The following CHRM3 variants were observed in gnomAD, a reference collection of about 807,000 sequenced individuals.
The protein encoded by CHRM3 is cholinergic receptor muscarinic 3.
CHRM3 carries 11 observed loss-of-function variants against 41.8 expected under a neutral mutation model. That is an observed-to-expected ratio of 0.26 (90% confidence interval 0.17 to 0.44). The LOEUF is 0.44. CHRM3 is among the 20% of genes least tolerant of loss of function. The pLI is 1.00. For missense variants in CHRM3, 571 were observed against 745.4 expected, an observed-to-expected ratio of 0.77 and a Z score of 2.72; for synonymous variants, 297 against 301.4, an observed-to-expected ratio of 0.99 and a Z score of 0.15.
intron 5 of CHRM3, among the ~76,000 whole-genome samples, chr1:239,808,653 G>C (rs1252624365): frequency 6.6e-6 from 1 of 152,132 alleles, no homozygotes; most frequent in Admixed American, 6.5e-5. Flanking sequence ...AACTAGAAGT[G>C]GATCATGAAG....
At chr1:239,837,991 A>G (rs1226102436) in intron 6 of CHRM3, among the ~76,000 whole-genome samples, 1 of 152,356 alleles carries the variant, frequency 6.6e-6, no homozygotes, top group African/African-American at 2.4e-5. Context: ...ATAGTAAAAT[A>G]AAAACACTTT....
chr1:239,725,730 T>C (rs1663377231), intron 5 of CHRM3, among the ~76,000 whole-genome samples: 1 of 151,902 alleles, frequency 6.6e-6, no homozygotes, highest in Non-Finnish European at 1.5e-5. Context: ...ATAAAGACTC[T>C]TTGCCCTGAC....
rs556763813 is a variant in CHRM3, at chr1:239,510,520, C to G, written c.-422+17713C>G. Among the ~76,000 whole-genome samples the G allele has an allele frequency of 1.3e-4, 19 of 151,954 alleles. 1 individual carries two copies. Among genetic ancestry groups the G allele is most frequent in the Admixed American group, 6.6e-4 (10 of 15,264 alleles). ...TCATTGGATTGGAATGTACCTGGAG[C>G]AGATACTAACCCCTCAGATTTTTTT... On this transcript the variant is annotated intron_variant, in intron 2 of 6. Coordinates refer to ENST00000676153, the MANE Select transcript of CHRM3 (RefSeq NM_001375978.1).
At position 239,442,021 on chromosome 1, in the gene CHRM3, A is replaced by G. The variant is rs199522319; in HGVS notation, c.-520-50688A>G. Among the ~76,000 whole-genome samples the G allele has an allele frequency of 1.4e-4, 22 of 152,358 alleles. No homozygotes were observed. In the East Asian group the frequency reaches 3.9e-3, roughly 27 times the overall value. On this transcript the variant is annotated intron_variant, in intron 1 of 6. Transcript: ENST00000676153. ...TATACCTAGAAAGGAGATAGACCAC[A>G]TACTAATTTTCAAAATGTACATAAT...
chr1:239,392,412 C>T (rs763423769), intron 1 of CHRM3, among the ~76,000 whole-genome samples: 85 of 152,196 alleles, frequency 5.6e-4, no homozygotes, highest in Admixed American at 1.7e-3. Flanking sequence ...CCAGTCCTAG[C>T]CTGCTTCCTG....
At position 239,659,305 on chromosome 1, in the gene CHRM3, C is replaced by G. The variant is rs1672983552; in HGVS notation, c.-249-18881C>G. On this transcript the variant is annotated intron_variant, in intron 4 of 6. Transcript: ENST00000676153. ...GCCATCTCACTTGTTCCCAAGATTC[C>G]CAGTAACAGCAGTGTCTCCCTCTTG... is the stretch of plus-strand genomic sequence containing the variant. Among the ~76,000 whole-genome samples, 3 of 152,094 alleles carry G rather than the reference C, an allele frequency of 2.0e-5. No homozygotes were observed. In the South Asian group the frequency reaches 6.2e-4, roughly 32 times the overall value.
intron 4 of CHRM3, among the ~76,000 whole-genome samples, chr1:239,656,544 G>A (rs906774967): frequency 4.6e-5 from 7 of 152,062 alleles, no homozygotes; most frequent in African/African-American, 1.7e-4. Context: ...GGAAGGCTAA[G>A]GTGGGAGGAT....
intron 1 of CHRM3, among the ~76,000 whole-genome samples, chr1:239,404,398 AAGAAAGAAAGAAAAAG>A (rs1162541374): frequency 0.014 from 935 of 68,654 alleles, 4 homozygotes; most frequent in Non-Finnish European, 0.016. Flanking sequence ...GAAAGAAAGA[AAGAAAGAAAGAAAAAG>A]AAAGAAAGAA....
chr1:239,782,845 C>A (rs1668605392), intron 5 of CHRM3, among the ~76,000 whole-genome samples: 1 of 152,030 alleles, frequency 6.6e-6, no homozygotes, highest in South Asian at 2.1e-4. Flanking sequence ...TTCCAAATTT[C>A]TTTTTGCGAT....
chr1:239,708,961 G>C (rs1661486067), intron 5 of CHRM3, among the ~76,000 whole-genome samples: 1 of 151,276 alleles, frequency 6.6e-6, no homozygotes, highest in African/African-American at 2.4e-5. Context: ...ACATGTTTAG[G>C]GGGTAAAAGC....
chr1:239,404,410 AAAAGAAAGAAAGAAAGAAAGAAAGAAAG>A (rs1170633500), intron 1 of CHRM3, among the ~76,000 whole-genome samples: 3,624 of 50,902 alleles, frequency 0.071, 157 homozygotes, highest in Middle Eastern at 0.098. Flanking sequence ...GAAAGAAAGA[AAAAGAAAGAAAGAAAGAAAGAAAGAAAG>A]AAAGAAAGAA....
rs1468284230 is a variant in CHRM3 at position 239,627,707 on chromosome 1, A to G, written c.-312-4517A>G. Among the ~76,000 whole-genome samples, 31 of 136,706 alleles carry G rather than the reference A, an allele frequency of 2.3e-4. No individual in the cohort carries two copies. The East Asian group carries it at 6.2e-3, about 27-fold the overall frequency. 89.7% of individuals were successfully genotyped at this position (136,706 alleles called of 152,430 possible). A position where few individuals can be genotyped will look rare whatever the true frequency, so the allele number is the denominator to read the frequency against. ...TTTTAGGGCAGGCCTGGTGGTGACA[A>G]AATCTCTCAGCATTTGCTTGTCTAT... On this transcript the variant is annotated intron_variant, in intron 3 of 6. Coordinates refer to ENST00000676153, the MANE Select transcript of CHRM3 (RefSeq NM_001375978.1).
intron 1 of CHRM3, among the ~76,000 whole-genome samples, chr1:239,404,754 A>ATATATG (rs1243603258): frequency 3.6e-5 from 5 of 138,746 alleles, no homozygotes; most frequent in African/African-American, 1.3e-4. Context: ...ATATATATAT[A>ATATATG]TATGGAAAAT....
At chr1:239,747,816 G>C (rs538219215) in intron 5 of CHRM3, among the ~76,000 whole-genome samples, 191 of 152,252 alleles carry the variant, frequency 1.3e-3, no homozygotes, top group South Asian at 3.7e-3. Flanking sequence ...CCAATCACTT[G>C]AGGCCAAGAG....
chr1:239,727,905 G>C (rs1442962362), intron 5 of CHRM3: 1 of 151,888 alleles, frequency 6.6e-6, no homozygotes, highest in African/African-American at 2.4e-5. Flanking sequence ...TGCTGCCCTT[G>C]AAGTTTCCTT....
Position 239,517,819 on chromosome 1 carries a change from TAATC to T in CHRM3, c.-422+25016_-422+25019del, listed in dbSNP as rs961071131. ...TTCAGTATGGTGAACCGGGAATAAATAATCAATGCCTGTGATGAGATAAAGACAG... is the reference window on the plus strand; with the variant it reads ...TTCAGTATGGTGAACCGGGAATAAATAATGCCTGTGATGAGATAAAGACAG... On this transcript the variant is annotated intron_variant, in intron 2 of 6. Transcript: ENST00000676153. 5.6e-4 allele frequency among the ~76,000 whole-genome samples: 85 copies of T among 152,196 alleles called. 3 individuals carry two copies. The highest frequency in any genetic ancestry group is 1.3e-4 in the Non-Finnish European group (9 of 68,042).
rs1665584308 is a variant in CHRM3, at chr1:239,748,920, C to A, written c.-147+70632C>A. On this transcript the variant is annotated intron_variant, in intron 5 of 6. Transcript: ENST00000676153. The surrounding 1 kb of genome is among the most constrained non-coding windows in gnomAD (Gnocchi z 4.3). Reference sequence around the variant, plus strand: ...ATTTCTGGGGCACACCAGCCCTGTACTGGCAGTTCTTTGCAAATGGGTGCT... The same window carrying A: ...ATTTCTGGGGCACACCAGCCCTGTAATGGCAGTTCTTTGCAAATGGGTGCT... Among the ~76,000 whole-genome samples, 2 of 152,194 alleles carry A rather than the reference C, an allele frequency of 1.3e-5. No homozygotes were observed. Among genetic ancestry groups the A allele is most frequent in the Admixed American group, 1.3e-4 (2 of 15,278 alleles).
intron 1 of CHRM3, among the ~76,000 whole-genome samples, chr1:239,425,600 T>C (rs1662307128): frequency 6.6e-6 from 1 of 152,148 alleles, no homozygotes; most frequent in Non-Finnish European, 1.5e-5. Flanking sequence ...TGACACTTGG[T>C]TCCTCACTTA....
intron 3 of CHRM3, among the ~76,000 whole-genome samples, chr1:239,576,471 G>C (rs1044954741): frequency 1.3e-5 from 2 of 151,940 alleles, no homozygotes; most frequent in African/African-American, 4.8e-5. Context: ...GGCCAGGCAC[G>C]GTGGCTCATG....
Sources: gnomAD v4.1 joint callset for allele counts (sites outside exome capture counted in the v4.1 genomes callset) on GRCh38, gnomAD v4.1.1 for gene constraint, Gnocchi (gnomAD v3.1) non-coding constraint, MANE v1.5 for transcripts, NCBI Gene and HGNC (gene_info 2026-07-23, HGNC 2026-07-21) for gene names.